MVB12B: variants seen among roughly 807,000 people sequenced by gnomAD.
MVB12B encodes the protein ESCRT-I complex subunit MVB12B.
Under a neutral mutation model 41.6 loss-of-function variants are expected in MVB12B, and 16 were observed. The observed-to-expected ratio is 0.38, with a 90% CI of 0.26 to 0.58. The LOEUF (loss-of-function observed/expected upper bound fraction) is 0.58. Ranked by LOEUF, MVB12B falls within the 20% of genes least tolerant of loss-of-function variation. The pLI, the probability that MVB12B is intolerant of heterozygous loss-of-function variation, is 0.62. For synonymous variants in MVB12B, 133 were observed against 139.7 expected (o/e 0.95, Z 0.34); for missense variants, 274 against 380.2 (o/e 0.72, Z 2.32).
Position 126,436,102 on chromosome 9 carries a change from A to G in MVB12B, c.757+14154A>G, listed in dbSNP as rs2119126410. On this transcript the variant is annotated intron_variant, in intron 7 of 9. Transcript: ENST00000361171. The surrounding 1 kb of genome is among the most constrained non-coding windows in gnomAD (Gnocchi z 4.1). Reference sequence around the variant, plus strand: ...TATTAAAACAGGTAATTTTGGGGAAAAAAAGAGATGCTGTTTTTTGGATCA... The same window carrying G: ...TATTAAAACAGGTAATTTTGGGGAAGAAAAGAGATGCTGTTTTTTGGATCA... Among the ~76,000 whole-genome samples the G allele has an allele frequency of 6.6e-6, 1 of 152,340 alleles. No individual in the cohort carries two copies. Among genetic ancestry groups the G allele is most frequent in the South Asian group, 2.1e-4 (1 of 4,828 alleles).
Position 126,389,926 on chromosome 9 carries a change from C to G in MVB12B, c.410-2140C>G, listed in dbSNP as rs1347759400. On this transcript the variant is annotated intron_variant, in intron 4 of 9. Transcript: ENST00000361171. The surrounding 1 kb of genome is among the most constrained non-coding windows in gnomAD (Gnocchi z 4.4). The stretch of plus-strand genomic sequence containing the variant: ...TCTGCTCTAGCCCTCAGTTTCTGTG[C>G]CTGAGGAACCCACAGTTATCTGACT... Among the ~76,000 whole-genome samples, 1 of 152,136 alleles carries G rather than the reference C, an allele frequency of 6.6e-6. No individual in the cohort carries two copies. Among genetic ancestry groups the G allele is most frequent in the Non-Finnish European group, 1.5e-5 (1 of 68,016 alleles).
In MVB12B at chr9:126,421,642, T is replaced by A. The variant is rs375779145; in HGVS notation, c.663-212T>A. 3.0e-4 allele frequency among the ~76,000 whole-genome samples: 45 copies of A among 152,152 alleles called. 1 individual carries two copies. The highest frequency in any genetic ancestry group is 1.1e-3 in the African/African-American group (44 of 41,502). ...TGTCCTTTCTAGTATGGAAAAAAAA[T>A]GTGGCTGCTGATGTCTAGAAACTTC... On this transcript the variant is annotated intron_variant, in intron 6 of 9. Transcript: ENST00000361171.
chr9:126,376,742 A>C lies in MVB12B; in HGVS notation c.205-4322A>C, dbSNP rs1588120985. 8.1e-7 allele frequency: 1 copy of C among 1,230,702 alleles called. No individual in the cohort carries two copies. Among genetic ancestry groups the C allele is most frequent in the Non-Finnish European group, 1.0e-6 (1 of 956,326 alleles). The allele number at this position is 1,230,702 out of a possible 1,614,324, so 76.2% of individuals were successfully genotyped here. ...GCACCTCCTCCCCCACCTCCTCCTGACCTCCAGCCTCCTTCCCCACCTGCC... is the reference window on the plus strand; with the variant it reads ...GCACCTCCTCCCCCACCTCCTCCTGCCCTCCAGCCTCCTTCCCCACCTGCC... On this transcript the variant is annotated intron_variant, in intron 2 of 9. Coordinates refer to ENST00000361171, the MANE Select transcript of MVB12B (RefSeq NM_033446.3). This position sits in a 1 kb window ranked among gnomAD's most constrained non-coding sequence, Gnocchi z 4.1.
chr9:126,413,493 A>G (rs910468051), intron 6 of MVB12B, among the ~76,000 whole-genome samples: 1 of 152,224 alleles, frequency 6.6e-6, no homozygotes, highest in African/African-American at 2.4e-5. Flanking sequence ...TCTTTCCTCA[A>G]ATCTCAAAAA....
In MVB12B at chr9:126,392,544, G is replaced by T. The variant is rs1031978195; in HGVS notation, c.539+349G>T. 6.6e-6 allele frequency among the ~76,000 whole-genome samples: 1 copy of T among 152,228 alleles called. No homozygotes were observed. Among genetic ancestry groups the T allele is most frequent in the Admixed American group, 6.5e-5 (1 of 15,286 alleles). ...ACAGGGACCTATTTTGTACCACGGG[G>T]CCAAGGCCACTGGATGTGGATATAA... On this transcript the variant is annotated intron_variant, in intron 5 of 9. Transcript: ENST00000361171. The surrounding 1 kb of genome is among the most constrained non-coding windows in gnomAD (Gnocchi z 4.8).
At chr9:126,452,394 G>C (rs2119162202) in intron 7 of MVB12B, among the ~76,000 whole-genome samples, 1 of 152,330 alleles carries the variant, frequency 6.6e-6, no homozygotes, top group East Asian at 1.9e-4. Context: ...CAGCACTGGG[G>C]ACTCAGCTCC....
chr9:126,388,052 T>C (rs781679055), intron 4 of MVB12B, among the ~76,000 whole-genome samples: 1 of 152,260 alleles, frequency 6.6e-6, no homozygotes, highest in Non-Finnish European at 1.5e-5. Context: ...GCAATTCACC[T>C]ATTTAACATG....
chr9:126,498,793 G>A (rs544463235), intron 9 of MVB12B, among the ~76,000 whole-genome samples: 65 of 152,326 alleles, frequency 4.3e-4, no homozygotes, highest in African/African-American at 1.5e-3. Flanking sequence ...AGAGTGTTTA[G>A]TATGAGACCT....
Position 126,376,975 on chromosome 9 carries a change from C to T in MVB12B, c.205-4089C>T, listed in dbSNP as rs1346794826. On this transcript the variant is annotated intron_variant, in intron 2 of 9. Transcript: ENST00000361171. This position sits in a 1 kb window ranked among gnomAD's most constrained non-coding sequence, Gnocchi z 4.1. ...CTGGGGCTCTGCTCAGTATCGGCTG[C>T]CACGGGCCCCTTAGGTCACAACCCG... 6.6e-6 allele frequency among the ~76,000 whole-genome samples: 1 copy of T among 151,180 alleles called. No individual in the cohort carries two copies. Among genetic ancestry groups the T allele is most frequent in the East Asian group, 2.0e-4 (1 of 5,102 alleles).
intron 7 of MVB12B, among the ~76,000 whole-genome samples, chr9:126,465,167 A>G (rs908751172): frequency 4.6e-5 from 7 of 152,202 alleles, no homozygotes; most frequent in African/African-American, 1.4e-4. Context: ...AGATTTATAC[A>G]TTGCATCCTC....
chr9:126,389,911 C>T lies in MVB12B; in HGVS notation c.410-2155C>T, dbSNP rs1420300947. 6.6e-6 allele frequency among the ~76,000 whole-genome samples: 1 copy of T among 152,144 alleles called. No homozygotes were observed. Among genetic ancestry groups the T allele is most frequent in the East Asian group, 1.9e-4 (1 of 5,190 alleles). ...CTCTCTGCTCGTAGATCTGCTCTAGCCCTCAGTTTCTGTGCCTGAGGAACC... is the reference window on the plus strand; with the variant it reads ...CTCTCTGCTCGTAGATCTGCTCTAGTCCTCAGTTTCTGTGCCTGAGGAACC... On this transcript the variant is annotated intron_variant, in intron 4 of 9. Coordinates refer to ENST00000361171, the MANE Select transcript of MVB12B (RefSeq NM_033446.3). This position sits in a 1 kb window ranked among gnomAD's most constrained non-coding sequence, Gnocchi z 4.4.
At chr9:126,406,707 C>A (rs56341409) in intron 6 of MVB12B, among the ~76,000 whole-genome samples, 2 of 152,098 alleles carry the variant, frequency 1.3e-5, no homozygotes, top group South Asian at 4.1e-4. Context: ...TTCTTCATTT[C>A]TTTTATATGG....
At chr9:126,429,771 G>A (rs979324745) in intron 7 of MVB12B, among the ~76,000 whole-genome samples, 3 of 152,184 alleles carry the variant, frequency 2.0e-5, no homozygotes, top group Non-Finnish European at 4.4e-5. Context: ...TTAATGAACA[G>A]CGTGTGCAGG....
At chr9:126,498,953 AG>A (rs1833894058) in intron 9 of MVB12B, among the ~76,000 whole-genome samples, 1 of 152,226 alleles carries the variant, frequency 6.6e-6, no homozygotes, top group Admixed American at 6.5e-5. Flanking sequence ...TGCCAACCAC[AG>A]GTGGGGGCCA....
chr9:126,465,036 G>C (rs550642276), intron 7 of MVB12B, among the ~76,000 whole-genome samples: 3 of 152,314 alleles, frequency 2.0e-5, no homozygotes, highest in African/African-American at 7.2e-5. Flanking sequence ...TTTCAGGGGA[G>C]GAAAGGGAAG....
In MVB12B at chr9:126,395,545, A is replaced by C; in HGVS notation, c.540-30A>C. On this transcript the variant is annotated intron_variant, in intron 5 of 9. Transcript: ENST00000361171. The surrounding 1 kb of genome is among the most constrained non-coding windows in gnomAD (Gnocchi z 4.9). ...CAGGTAAATGCTTTGTGCTAACCAG[A>C]GCCATGAAGATTTCTCTTTTTTCCT... is the stretch of plus-strand genomic sequence containing the variant. The C allele has an allele frequency of 6.2e-7, 1 of 1,613,634 alleles. No individual in the cohort carries two copies. The highest frequency in any genetic ancestry group is 8.5e-7 in the Non-Finnish European group (1 of 1,179,696).
At position 126,480,855 on chromosome 9, in the gene MVB12B, C is replaced by T. The variant is rs975803054; in HGVS notation, c.758-514C>T. On this transcript the variant is annotated intron_variant, in intron 7 of 9. Coordinates refer to ENST00000361171, the MANE Select transcript of MVB12B (RefSeq NM_033446.3). This position sits in a 1 kb window ranked among gnomAD's most constrained non-coding sequence, Gnocchi z 4.9. ...TCTTTCAACTTCAGTTGCTCATCTG[C>T]AGTCACCAGCTGGGATTTGAACCCA... 2.0e-5 allele frequency: 3 copies of T among 153,450 alleles called. No homozygotes were observed. Among genetic ancestry groups the T allele is most frequent in the Admixed American group, 2.0e-4 (3 of 15,380 alleles). 9.5% of individuals were successfully genotyped at this position (153,450 alleles called of 1,614,324 possible). A position where few individuals can be genotyped will look rare whatever the true frequency, so the allele number is the denominator to read the frequency against.
In MVB12B at chr9:126,379,380, A is replaced by T. The variant is rs1468275896; in HGVS notation, c.205-1684A>T. Among the ~76,000 whole-genome samples the T allele has an allele frequency of 3.6e-3, 555 of 152,300 alleles. 2 individuals are homozygous for T. Among genetic ancestry groups the T allele is most frequent in the African/African-American group, 0.013 (533 of 41,558 alleles). On this transcript the variant is annotated intron_variant, in intron 2 of 9. Coordinates refer to ENST00000361171, the MANE Select transcript of MVB12B (RefSeq NM_033446.3). Reference sequence around the variant, plus strand: ...TCTTTCAAAACATGTAATCCATGGGAGAAAACAAGCATAGGGGGTGCTTTG... The same window carrying T: ...TCTTTCAAAACATGTAATCCATGGGTGAAAACAAGCATAGGGGGTGCTTTG...
intron 3 of MVB12B, among the ~76,000 whole-genome samples, chr9:126,383,157 T>C (rs1830682693): frequency 6.6e-6 from 1 of 152,216 alleles, no homozygotes; most frequent in South Asian, 2.1e-4. Context: ...TTACAGCCAG[T>C]CTATGCTGGC....
Sources: gnomAD v4.1 joint callset for allele counts (sites outside exome capture counted in the v4.1 genomes callset) on GRCh38, gnomAD v4.1.1 for gene constraint, Gnocchi (gnomAD v3.1) non-coding constraint, MANE v1.5 for transcripts, NCBI Gene and HGNC (gene_info 2026-07-23, HGNC 2026-07-21) for gene names.